PSMD1: variants seen among roughly 807,000 people sequenced by gnomAD.
The protein encoded by PSMD1 is proteasome 26S subunit, non-ATPase 1, also known as 26S proteasome non-ATPase regulatory subunit 1.
Under a neutral mutation model 119.0 loss-of-function variants are expected in PSMD1, and 18 were observed. The observed-to-expected ratio is 0.15, with a 90% CI of 0.10 to 0.22. PSMD1 has a LOEUF of 0.22. Ranked by LOEUF, PSMD1 falls within the 10% of genes least tolerant of loss-of-function variation. The pLI is 1.00. For synonymous variants in PSMD1, 374 were observed against 396.6 expected (o/e 0.94, Z 0.68); for missense variants, 702 against 1,158.5 (o/e 0.61, Z 5.72).
chr2:231,075,874 A>G (rs1694150388), intron 8 of PSMD1, among the ~76,000 whole-genome samples: 1 of 152,162 alleles, frequency 6.6e-6, no homozygotes, highest in Non-Finnish European at 1.5e-5. Context: ...TGAGCCACCG[A>G]GCCAAGCCAC....
At chr2:231,171,745 A>G (rs1335524198) in intron 24 of PSMD1, among the ~76,000 whole-genome samples, 1 of 151,930 alleles carries the variant, frequency 6.6e-6, no homozygotes, top group Non-Finnish European at 1.5e-5. Context: ...TAGTAGTGAC[A>G]GGGTTTCTCC....
chr2:231,165,214 A>T lies in PSMD1; in HGVS notation c.2496A>T (p.Val832=), dbSNP rs529361460. The T allele has an allele frequency of 6.2e-7, 1 of 1,606,784 alleles. No individual in the cohort carries two copies. Among genetic ancestry groups the T allele is most frequent in the South Asian group, 1.1e-5 (1 of 90,494 alleles). The part of the protein sequence containing the change: ...EKEKEKVSTA[V]LSITAKAKKK... The stretch of plus-strand genomic sequence containing the variant: ...CATTTCCCCAGGTTTCTACTGCTGT[A>T]TTATCTATAACTGCCAAGGCTAAAA... Residue 832 remains valine, a synonymous_variant, in exon 22 of 25, where the codon GTA becomes GTT. Coordinates refer to ENST00000308696, the MANE Select transcript of PSMD1 (RefSeq NM_002807.4).
intron 4 of PSMD1, among the ~76,000 whole-genome samples, chr2:231,064,927 T>G (rs1412101460): frequency 6.6e-6 from 1 of 151,750 alleles, no homozygotes; most frequent in Non-Finnish European, 1.5e-5. Flanking sequence ...TTCCCAAGAT[T>G]TTGGGATTAC....
At chr2:231,112,650 G>T (rs1574739750) in intron 16 of PSMD1, among the ~76,000 whole-genome samples, 1 of 152,060 alleles carries the variant, frequency 6.6e-6, no homozygotes, top group South Asian at 2.1e-4. Flanking sequence ...GAATCTGCTG[G>T]TCAAACCATT....
intron 5 of PSMD1, among the ~76,000 whole-genome samples, chr2:231,067,903 C>T (rs1020315499): frequency 3.4e-4 from 51 of 152,140 alleles, no homozygotes; most frequent in African/African-American, 1.1e-3. Flanking sequence ...GTGATCCACC[C>T]GTCTCAGCCG....
chr2:231,108,547 G>C, intron 16 of PSMD1: 1 of 1,613,742 alleles, frequency 6.2e-7, no homozygotes, highest in Non-Finnish European at 8.5e-7. Context: ...CTTCAGTTTT[G>C]TCACCTTCAT....
chr2:231,109,326 G>A (rs759758712), intron 16 of PSMD1: 8 of 1,613,880 alleles, frequency 5.0e-6, no homozygotes, highest in East Asian at 4.5e-5. Context: ...TCGCCAAAAC[G>A]TTCCTTTGTC....
chr2:231,121,077 A>T (rs904695325), intron 16 of PSMD1, among the ~76,000 whole-genome samples: 1 of 152,170 alleles, frequency 6.6e-6, no homozygotes, highest in African/African-American at 2.4e-5. Context: ...ACATTTTTTC[A>T]TAGAAATTGA....
chr2:231,065,393 C>T (rs1008524636), intron 4 of PSMD1, among the ~76,000 whole-genome samples: 2 of 151,436 alleles, frequency 1.3e-5, no homozygotes, highest in African/African-American at 4.9e-5. Flanking sequence ...CCCGGGTTCA[C>T]GCCATTCTCC....
chr2:231,086,530 G>A (rs1461368655), intron 15 of PSMD1, among the ~76,000 whole-genome samples: 7 of 152,122 alleles, frequency 4.6e-5, no homozygotes, highest in Admixed American at 1.3e-4. Flanking sequence ...GGTGGCACAC[G>A]CCTGTAGTCC....
intron 12 of PSMD1, among the ~76,000 whole-genome samples, chr2:231,082,223 C>T (rs533243435): frequency 2.0e-5 from 3 of 152,152 alleles, no homozygotes; most frequent in Admixed American, 2.0e-4. Context: ...CCACCACGCC[C>T]AGCTAATTTA....
intron 16 of PSMD1, among the ~76,000 whole-genome samples, chr2:231,091,317 T>C (rs545640802): frequency 4.6e-4 from 70 of 152,368 alleles, no homozygotes; most frequent in Non-Finnish European, 8.7e-4. Flanking sequence ...TCCCTTGTTA[T>C]GTAACCCTTG....
At chr2:231,106,121 A>G (rs539213143) in intron 16 of PSMD1, among the ~76,000 whole-genome samples, 1 of 150,738 alleles carries the variant, frequency 6.6e-6, no homozygotes, top group East Asian at 1.9e-4. Context: ...AAGGGTGTTT[A>G]ACTGCTGAGA....
chr2:231,097,178 G>A (rs1694747749), intron 16 of PSMD1, among the ~76,000 whole-genome samples: 1 of 152,198 alleles, frequency 6.6e-6, no homozygotes, highest in South Asian at 2.1e-4. Context: ...GGAGGTTTTA[G>A]TAAGTGCTGT....
intron 18 of PSMD1, among the ~76,000 whole-genome samples, chr2:231,149,041 A>G (rs1188836198): frequency 1.3e-5 from 2 of 152,258 alleles, no homozygotes; most frequent in Admixed American, 6.5e-5. Flanking sequence ...TCAAAAGAGA[A>G]ATTTCTCAGG....
At chr2:231,153,495 A>T in intron 18 of PSMD1, 69 bp from the exon 19 acceptor site, 1 of 1,075,996 alleles carries the variant, frequency 9.3e-7, no homozygotes, top group Non-Finnish European at 1.4e-6. Context: ...GAGCAATATT[A>T]TTCCCTGTTC....
chr2:231,115,011 T>G (rs1695281793), intron 16 of PSMD1, among the ~76,000 whole-genome samples: 1 of 152,192 alleles, frequency 6.6e-6, no homozygotes, highest in Non-Finnish European at 1.5e-5. Flanking sequence ...TAAAATGTAA[T>G]CTACTTTTCT....
intron 19 of PSMD1, among the ~76,000 whole-genome samples, chr2:231,154,080 T>G (rs1696428403): frequency 6.6e-6 from 1 of 151,584 alleles, no homozygotes; most frequent in Non-Finnish European, 1.5e-5. Flanking sequence ...GCCATTGCAC[T>G]CCAGCCGGGG....
intron 17 of PSMD1, among the ~76,000 whole-genome samples, chr2:231,145,024 T>C (rs1489563869): frequency 6.6e-6 from 1 of 152,242 alleles, no homozygotes; most frequent in East Asian, 1.9e-4. Flanking sequence ...TCCTTTTCAC[T>C]TACCCTCAGT....
Sources: gnomAD v4.1 joint callset for allele counts (sites outside exome capture counted in the v4.1 genomes callset) on GRCh38, gnomAD v4.1.1 for gene constraint, MANE v1.5 for transcripts, NCBI Gene and HGNC (gene_info 2026-07-23, HGNC 2026-07-21) for gene names.